Variants in DGLUCY observed in about 807,000 individuals in gnomAD.
DGLUCY encodes D-glutamate cyclase, mitochondrial.
A neutral mutation model predicts 58.5 loss-of-function variants in DGLUCY; 58 were observed. That is an observed-to-expected ratio of 0.99 (90% confidence interval 0.80 to 1.23). DGLUCY has a LOEUF of 1.23. Ranked by LOEUF, DGLUCY falls within the 50% of genes most tolerant of loss-of-function variation. DGLUCY has a pLI of 0.00. For missense variants in DGLUCY, 779 were observed against 784.7 expected (o/e 0.99, Z 0.09); for synonymous variants, 325 against 314.1 (o/e 1.03, Z -0.37).
chr14:91,180,836 G>C (rs566104042), intron 7 of DGLUCY, among the ~76,000 whole-genome samples: 1 of 152,336 alleles, frequency 6.6e-6, no homozygotes, highest in South Asian at 2.1e-4. Context: ...GGAAAGCAAA[G>C]CAAGATGGCT....
At chr14:91,218,509 T>A (rs1000634481) in intron 13 of DGLUCY, among the ~76,000 whole-genome samples, 2 of 151,696 alleles carry the variant, frequency 1.3e-5, no homozygotes, top group African/African-American at 4.8e-5. Flanking sequence ...TTTGAGTGAT[T>A]CTCCTGCCTC....
At chr14:91,174,511 G>T (rs1054754971) in intron 6 of DGLUCY, among the ~76,000 whole-genome samples, 5 of 152,046 alleles carry the variant, frequency 3.3e-5, no homozygotes, top group Admixed American at 1.3e-4. Context: ...TTGCCATGTT[G>T]GCCAGGCTGG....
intron 1 of DGLUCY, among the ~76,000 whole-genome samples, chr14:91,146,750 A>G (rs2047035533): frequency 6.6e-6 from 1 of 152,206 alleles, no homozygotes; most frequent in African/African-American, 2.4e-5. Flanking sequence ...TTGAGGCATA[A>G]CAACAGCTGC....
intron 3 of DGLUCY, among the ~76,000 whole-genome samples, chr14:91,166,644 G>A (rs2048300820): frequency 2.0e-5 from 3 of 149,636 alleles, no homozygotes. Context: ...CAGCCTGGGT[G>A]ACAAAGCGAG....
chr14:91,097,162 C>A (rs964242542), intron 1 of DGLUCY, among the ~76,000 whole-genome samples: 3 of 152,092 alleles, frequency 2.0e-5, no homozygotes, highest in Admixed American at 2.0e-4. Flanking sequence ...TTTAGGAGTT[C>A]AAAGCAGGAA....
At chr14:91,115,786 C>A (rs1345753091) in intron 1 of DGLUCY, among the ~76,000 whole-genome samples, 1 of 152,196 alleles carries the variant, frequency 6.6e-6, no homozygotes, top group Non-Finnish European at 1.5e-5. Flanking sequence ...TGGCCCCTGA[C>A]ATGTTTTATT....
chr14:91,075,717 C>T (rs566831768), intron 1 of DGLUCY, among the ~76,000 whole-genome samples: 1 of 151,882 alleles, frequency 6.6e-6, no homozygotes, highest in South Asian at 2.1e-4. Context: ...ATGTTTGCTA[C>T]CACCAAAGAA....
intron 12 of DGLUCY, among the ~76,000 whole-genome samples, chr14:91,209,052 A>C (rs1885236371): frequency 6.6e-6 from 1 of 151,610 alleles, no homozygotes; most frequent in Non-Finnish European, 1.5e-5. Context: ...AGTGGCTCAC[A>C]CCTGTAATCC....
intron 1 of DGLUCY, among the ~76,000 whole-genome samples, chr14:91,124,077 G>A (rs370239220): frequency 6.6e-5 from 10 of 151,958 alleles, no homozygotes; most frequent in East Asian, 3.9e-4. Flanking sequence ...ACAGTCGCAC[G>A]CCATCATGCC....
chr14:91,131,274 C>T (rs1288464055), intron 1 of DGLUCY, among the ~76,000 whole-genome samples: 1 of 152,150 alleles, frequency 6.6e-6, no homozygotes, highest in Non-Finnish European at 1.5e-5. Context: ...TATCTACTTG[C>T]AGTTTGGGAA....
At chr14:91,151,571 C>G (rs750911980) in intron 1 of DGLUCY, among the ~76,000 whole-genome samples, 2 of 151,352 alleles carry the variant, frequency 1.3e-5, no homozygotes, top group African/African-American at 2.4e-5. Flanking sequence ...AAAATAATTG[C>G]AAAGTGACAA....
chr14:91,090,469 A>G (rs1408723001), intron 1 of DGLUCY, among the ~76,000 whole-genome samples: 1 of 152,136 alleles, frequency 6.6e-6, no homozygotes, highest in African/African-American at 2.4e-5. Flanking sequence ...GACTTTGGCC[A>G]TAAGCATCCT....
At chr14:91,129,952 A>G (rs897091757) in intron 1 of DGLUCY, among the ~76,000 whole-genome samples, 24 of 152,096 alleles carry the variant, frequency 1.6e-4, no homozygotes, top group African/African-American at 3.6e-4. Flanking sequence ...CAGCCTCAAC[A>G]TGATGTTTTT....
At chr14:91,184,690 G>A (rs1246399707) in intron 8 of DGLUCY, among the ~76,000 whole-genome samples, 1 of 149,512 alleles carries the variant, frequency 6.7e-6, no homozygotes, top group Non-Finnish European at 1.5e-5. Context: ...GGAAGGAAAT[G>A]TCTGATTCTC....
chr14:91,198,860 G>A (rs948232253), intron 10 of DGLUCY, among the ~76,000 whole-genome samples: 14 of 152,130 alleles, frequency 9.2e-5, no homozygotes, highest in African/African-American at 2.9e-4. Flanking sequence ...AGGTTAGGGA[G>A]GTTAAGCAAT....
chr14:91,222,272 C>T (rs1158484187), intron 13 of DGLUCY, among the ~76,000 whole-genome samples: 1 of 152,178 alleles, frequency 6.6e-6, no homozygotes, highest in Non-Finnish European at 1.5e-5. Flanking sequence ...AGGCTGGGTG[C>T]CAGTCAGCTC....
intron 12 of DGLUCY, among the ~76,000 whole-genome samples, chr14:91,209,752 A>G (rs1446364639): frequency 6.6e-6 from 1 of 152,144 alleles, no homozygotes; most frequent in Non-Finnish European, 1.5e-5. Context: ...AAACAAACCA[A>G]GATTGAGCTA....
intron 12 of DGLUCY, among the ~76,000 whole-genome samples, chr14:91,212,881 G>A (rs745988539): frequency 2.9e-4 from 44 of 151,880 alleles, no homozygotes; most frequent in Non-Finnish European, 7.4e-5. Flanking sequence ...GGTGCCTATA[G>A]TCCCAGCTAC....
intron 1 of DGLUCY, among the ~76,000 whole-genome samples, chr14:91,077,321 GGAGA>G (rs939451048): frequency 1.1e-4 from 16 of 148,560 alleles, no homozygotes; most frequent in African/African-American, 3.7e-4. Flanking sequence ...GAGGAAGGAA[GGAGA>G]GAGAGAGGCA....
Sources: allele counts gnomAD v4.1 joint callset (sites outside exome capture counted in the v4.1 genomes callset), GRCh38; gene constraint gnomAD v4.1.1; transcripts MANE v1.5; gene names NCBI Gene and HGNC (gene_info 2026-07-23, HGNC 2026-07-21).